Variants in TXNRD1 observed in about 807,000 individuals in gnomAD.
TXNRD1 encodes the protein thioredoxin reductase 1, cytoplasmic.
TXNRD1 carries 57 observed loss-of-function variants against 80.3 expected under a neutral mutation model. That is an observed-to-expected ratio of 0.71 (90% CI 0.57 to 0.89). The LOEUF (loss-of-function observed/expected upper bound fraction) is 0.89. Ranked by LOEUF, TXNRD1 falls within the 40% of genes least tolerant of loss-of-function variation. TXNRD1 has a pLI of 0.00. For missense variants in TXNRD1, 730 were observed against 803.0 expected, an observed-to-expected ratio of 0.91 and a Z score of 1.10; for synonymous variants, 291 against 285.2, an observed-to-expected ratio of 1.02 and a Z score of -0.20.
In TXNRD1 at chr12:104,290,452, G is replaced by A. The variant is rs534328736; in HGVS notation, c.414+1412G>A. Among the ~76,000 whole-genome samples, 577 of 151,912 alleles carry A rather than the reference G, an allele frequency of 3.8e-3. 3 individuals are homozygous for A. Among genetic ancestry groups the A allele is most frequent in the Non-Finnish European group, 6.1e-3 (412 of 67,970 alleles). ...CACACTTGTAATCCCAGCACCTTGG[G>A]AGGCCGAGGCAGGCGGATTGCTTTG... On this transcript the variant is annotated intron_variant, in intron 4 of 16. Coordinates refer to ENST00000525566, the MANE Select transcript of TXNRD1 (RefSeq NM_001093771.3).
intron 3 of TXNRD1, among the ~76,000 whole-genome samples, chr12:104,273,655 C>T (rs375833645): frequency 5.3e-5 from 8 of 152,150 alleles, no homozygotes; most frequent in African/African-American, 1.9e-4. Flanking sequence ...TCAGCAGCAT[C>T]AGACACAGGA....
chr12:104,344,153 A>G (rs1228448810), intron 16 of TXNRD1, among the ~76,000 whole-genome samples: 1 of 152,210 alleles, frequency 6.6e-6, no homozygotes, highest in Non-Finnish European at 1.5e-5. Context: ...GTTGATTAAA[A>G]TGCAACCTGT....
intron 1 of TXNRD1, among the ~76,000 whole-genome samples, chr12:104,222,330 C>T (rs1477896448): frequency 6.6e-6 from 1 of 151,848 alleles, no homozygotes; most frequent in Non-Finnish European, 1.5e-5. Context: ...TGTAAATGAC[C>T]GCTGTCAAAG....
chr12:104,312,563 A>G (rs2035178281), intron 5 of TXNRD1, among the ~76,000 whole-genome samples: 1 of 152,080 alleles, frequency 6.6e-6, no homozygotes, highest in Non-Finnish European at 1.5e-5. Context: ...AGACGTGTAG[A>G]CTCAGTCCTT....
chr12:104,328,529 G>A (rs552242609), intron 13 of TXNRD1, among the ~76,000 whole-genome samples: 5 of 152,266 alleles, frequency 3.3e-5, no homozygotes, highest in Admixed American at 6.5e-5. Flanking sequence ...GGCTGATGCA[G>A]GCAGATCACG....
At chr12:104,338,251 C>G (rs1403160393) in intron 15 of TXNRD1, among the ~76,000 whole-genome samples, 2 of 151,868 alleles carry the variant, frequency 1.3e-5, no homozygotes, top group African/African-American at 4.8e-5. Context: ...GGCATCTTTG[C>G]CTTTTGTATT....
chr12:104,246,863 C>T (rs1182391855), intron 1 of TXNRD1, among the ~76,000 whole-genome samples: 1 of 151,962 alleles, frequency 6.6e-6, no homozygotes, highest in Admixed American at 6.6e-5. Flanking sequence ...CTGTATTTGT[C>T]TCTTTCTGGT....
In TXNRD1 at chr12:104,348,433, G is replaced by A; in HGVS notation, c.*12G>A. 1 of 1,613,836 alleles carries A rather than the reference G, an allele frequency of 6.2e-7. No homozygotes were observed. The highest frequency in any genetic ancestry group is 8.5e-7 in the Non-Finnish European group (1 of 1,179,776). On this transcript the variant is annotated 3_prime_UTR_variant, in exon 17 of 17. Transcript: ENST00000525566. ...GCTGCTGAGGTTAAGCCCCAGTGTG[G>A]ATGCTGTTGCCAAGACTGCAAACCA...
Position 104,318,899 on chromosome 12 carries a change from A to G in TXNRD1, c.731-14A>G. On this transcript the variant is annotated splice_polypyrimidine_tract_variant and intron_variant, in intron 7 of 16. Transcript: ENST00000525566. Reference sequence around the variant, plus strand: ...GAAAAGCCAAACAAGATTTTGTTTTATTTTCTTATACAGTTAAGCATGATT... The same window carrying G: ...GAAAAGCCAAACAAGATTTTGTTTTGTTTTCTTATACAGTTAAGCATGATT... The G allele has an allele frequency of 1.3e-6, 2 of 1,587,050 alleles. No homozygotes were observed. Among genetic ancestry groups the G allele is most frequent in the South Asian group, 2.3e-5 (2 of 85,574 alleles).
intron 1 of TXNRD1, among the ~76,000 whole-genome samples, chr12:104,245,100 A>T (rs1341120435): frequency 6.6e-6 from 1 of 152,250 alleles, no homozygotes; most frequent in Non-Finnish European, 1.5e-5. Context: ...AGGTGATAAT[A>T]GCTATGTTAA....
At chr12:104,283,546 G>A (rs1018271925) in intron 3 of TXNRD1, among the ~76,000 whole-genome samples, 9 of 151,144 alleles carry the variant, frequency 6.0e-5, no homozygotes, top group African/African-American at 1.9e-4. Flanking sequence ...CATTGCACCC[G>A]GCCTCACACT....
chr12:104,309,877 C>G, intron 4 of TXNRD1: 1 of 1,535,962 alleles, frequency 6.5e-7, no homozygotes, highest in Middle Eastern at 1.7e-4. Flanking sequence ...AGTCTTGCCC[C>G]CACTGTTGCT....
chr12:104,332,234 A>G (rs1352522514), intron 14 of TXNRD1, among the ~76,000 whole-genome samples: 2 of 152,206 alleles, frequency 1.3e-5, no homozygotes, highest in Non-Finnish European at 2.9e-5. Flanking sequence ...TTCTGTATAC[A>G]CAAATAATGC....
At chr12:104,326,301 C>A in intron 11 of TXNRD1, 46 bp from the exon 12 acceptor site, 2 of 1,324,366 alleles carry the variant, frequency 1.5e-6, no homozygotes, top group Non-Finnish European at 2.1e-6. Context: ...GTAATAAATG[C>A]AAAGCCTTTT....
rs2035722595 is a variant in TXNRD1, at chr12:104,325,391, A to G, written c.1270A>G (p.Thr424Ala). The G allele has an allele frequency of 1.2e-6, 2 of 1,613,314 alleles. No homozygotes were observed. The highest frequency in any genetic ancestry group is 1.7e-6 in the Non-Finnish European group (2 of 1,179,626). The change falls in exon 11 of 17, where the codon ACC becomes GCC. Residue 424 changes from threonine (T) to alanine (A), a missense_variant. By Grantham distance (58) the Thr-to-Ala change is moderately conservative. Coordinates refer to ENST00000525566, the MANE Select transcript of TXNRD1 (RefSeq NM_001093771.3). ...PGRLRVVAQS[T>A]NSEEIIEGEY... ...CCGACTCAGAGTAGTAGCTCAGTCC[A>G]CCAATAGTGAGGAAATCATTGAAGG...
At chr12:104,305,121 A>G (rs923656331) in intron 4 of TXNRD1, 2 of 573,850 alleles carry the variant, frequency 3.5e-6, no homozygotes, top group South Asian at 4.9e-5. Flanking sequence ...TTCTGTTATT[A>G]AAACAAATTC....
chr12:104,344,604 A>G (rs1160113549), intron 16 of TXNRD1, among the ~76,000 whole-genome samples: 1 of 152,164 alleles, frequency 6.6e-6, no homozygotes, highest in Non-Finnish European at 1.5e-5. Context: ...AACATTCCAT[A>G]TCCTTCTAGC....
At chr12:104,334,172 A>G (rs1309392373) in intron 14 of TXNRD1, 65 bp from the exon 15 acceptor site, 1 of 702,172 alleles carries the variant, frequency 1.4e-6, no homozygotes, top group Non-Finnish European at 2.2e-6. Context: ...GTCTTTCACC[A>G]TATATGTTTG....
chr12:104,285,089 C>T (rs1407662054), intron 3 of TXNRD1, among the ~76,000 whole-genome samples: 1 of 152,096 alleles, frequency 6.6e-6, no homozygotes, highest in Non-Finnish European at 1.5e-5. Flanking sequence ...GCATGAGAAT[C>T]GCTGGAAGCA....
Sources: gnomAD v4.1 joint callset for allele counts (sites outside exome capture counted in the v4.1 genomes callset) on GRCh38, gnomAD v4.1.1 for gene constraint, MANE v1.5 for transcripts, NCBI Gene and HGNC (gene_info 2026-07-23, HGNC 2026-07-21) for gene names.